The following FAM184A variants were observed in gnomAD, a reference collection of about 807,000 sequenced individuals.
The protein encoded by FAM184A is protein FAM184A.
In FAM184A, 99 loss-of-function variants were observed where a neutral mutation model predicts 143.8. The ratio of observed to expected loss-of-function variants is 0.69; its 90% CI spans 0.58 to 0.81. The LOEUF (loss-of-function observed/expected upper bound fraction) is 0.81, where lower values mean the gene tolerates loss of function less well. FAM184A is among the 40% of genes least tolerant of loss of function. The pLI, the probability that FAM184A is intolerant of heterozygous loss-of-function variation, is 0.00. For synonymous variants in FAM184A, 427 were observed against 446.4 expected, an observed-to-expected ratio of 0.96 and a Z score of 0.55; for missense variants, 1,217 against 1,310.5, an observed-to-expected ratio of 0.93 and a Z score of 1.10.
At chr6:119,018,676 C>T (rs1785346337) in intron 4 of FAM184A, among the ~76,000 whole-genome samples, 1 of 152,060 alleles carries the variant, frequency 6.6e-6, no homozygotes, top group African/African-American at 2.4e-5. Flanking sequence ...GGCTGGTGAG[C>T]CAACTGAAAT....
intron 1 of FAM184A, among the ~76,000 whole-genome samples, chr6:119,056,322 TGAA>T (rs374290195): frequency 3.7e-4 from 56 of 152,260 alleles, no homozygotes; most frequent in African/African-American, 1.3e-3. Flanking sequence ...GGATGTCTGA[TGAA>T]GAAGAAGATT....
At chr6:119,004,433 C>T (rs1031541003) in intron 7 of FAM184A, among the ~76,000 whole-genome samples, 8 of 152,256 alleles carry the variant, frequency 5.3e-5, no homozygotes, top group Non-Finnish European at 8.8e-5. Context: ...TGCCATTCTA[C>T]ATTGTTGGCC....
At chr6:119,089,206 ATTTT>A (rs570021826) in intron 1 of FAM184A, among the ~76,000 whole-genome samples, 5,280 of 135,528 alleles carry the variant, frequency 0.039, 189 homozygotes, top group African/African-American at 0.1. Flanking sequence ...TTATTTATTT[ATTTT>A]TTTATTTTTT....
chr6:119,025,894 C>A (rs1054236287), intron 1 of FAM184A, among the ~76,000 whole-genome samples: 1 of 152,178 alleles, frequency 6.6e-6, no homozygotes, highest in African/African-American at 2.4e-5. Flanking sequence ...TGGAAAACTG[C>A]TGCCATTTTT....
chr6:119,062,742 A>G (rs796398063), intron 1 of FAM184A, among the ~76,000 whole-genome samples: 4 of 152,302 alleles, frequency 2.6e-5, no homozygotes, highest in African/African-American at 9.6e-5. Context: ...TAGGAGAAAC[A>G]AAAGGACTCA....
At chr6:119,100,937 C>G (rs149780631) in intron 1 of FAM184A, among the ~76,000 whole-genome samples, 5,215 of 150,006 alleles carry the variant, frequency 0.035, 153 homozygotes, top group South Asian at 0.062. Flanking sequence ...CCAGCCTGGG[C>G]AACAGAGCAA....
rs1484291601 is a variant in FAM184A, at chr6:118,959,871, T to G, written c.*232A>C. ...TTTATTATGCAGTAATTACAAAGGT[T>G]AAAGACTCTTCCATCTCAAATAAAA... On this transcript the variant is annotated 3_prime_UTR_variant, in exon 18 of 18. Coordinates refer to ENST00000338891, the MANE Select transcript of FAM184A (RefSeq NM_024581.6). The G allele has an allele frequency of 9.6e-6, 3 of 314,056 alleles. No individual in the cohort carries two copies. Among genetic ancestry groups the G allele is most frequent in the Non-Finnish European group, 1.7e-5 (3 of 172,482 alleles). 19.5% of individuals were successfully genotyped at this position (314,056 alleles called of 1,614,324 possible).
intron 1 of FAM184A, among the ~76,000 whole-genome samples, chr6:119,044,195 T>C (rs1030515145): frequency 3.3e-5 from 5 of 152,236 alleles, no homozygotes; most frequent in Admixed American, 1.3e-4. Flanking sequence ...GAAAAAGAAA[T>C]ATAAGGCATC....
chr6:119,123,134 T>C (rs986983688), intron 1 of FAM184A, among the ~76,000 whole-genome samples: 1 of 151,352 alleles, frequency 6.6e-6, no homozygotes, highest in Non-Finnish European at 1.5e-5. Flanking sequence ...ACACCGGTAA[T>C]CCCAGCACTT....
chr6:119,020,629 T>A (rs1035909326), intron 3 of FAM184A, among the ~76,000 whole-genome samples: 4 of 152,206 alleles, frequency 2.6e-5, no homozygotes, highest in Non-Finnish European at 5.9e-5. Context: ...GAAGTTTGTA[T>A]GTAGGAAACA....
chr6:119,017,967 T>A (rs1205079759), intron 4 of FAM184A, among the ~76,000 whole-genome samples: 1 of 152,210 alleles, frequency 6.6e-6, no homozygotes. Context: ...CCTTCCAGCA[T>A]GATTGTAAGC....
chr6:118,967,967 G>GTCAC (rs1783551791), intron 14 of FAM184A, among the ~76,000 whole-genome samples: 1 of 152,168 alleles, frequency 6.6e-6, no homozygotes, highest in Non-Finnish European at 1.5e-5. Context: ...GAATCTCAGT[G>GTCAC]TATTTGAGTA....
chr6:119,034,039 T>TAGAG (rs1429011983), intron 1 of FAM184A, among the ~76,000 whole-genome samples: 30 of 30,274 alleles, frequency 9.9e-4, no homozygotes, highest in African/African-American at 3.3e-3. Flanking sequence ...TATATATATA[T>TAGAG]ATAGAGAGAG....
chr6:119,002,875 C>T (rs1239600401), intron 9 of FAM184A, 24 bp downstream of exon 9: 1 of 1,570,572 alleles, frequency 6.4e-7, no homozygotes, highest in African/African-American at 1.4e-5. Context: ...GATGAAACTT[C>T]ATCATGTACA....
At chr6:119,063,996 C>T (rs1021640783) in intron 1 of FAM184A, among the ~76,000 whole-genome samples, 1 of 151,982 alleles carries the variant, frequency 6.6e-6, no homozygotes, top group Non-Finnish European at 1.5e-5. Flanking sequence ...TAATAATTTT[C>T]ACCCCCCCAT....
Position 119,024,398 on chromosome 6 carries a change from G to A in FAM184A, c.575C>T (p.Ala192Val), listed in dbSNP as rs1785558863. The part of the protein sequence containing the change: ...DKRLALEDLQ[A>V]AHRREIQELL... ...CTCTTGTATCTCCCGTCTGTGAGCA[G>A]CTTGCAAGTCTTCCAATGCCAATCG... The change falls in exon 2 of 18, where the codon GCT becomes GTT. Residue 192 changes from alanine (A) to valine (V), a missense_variant. Physicochemically the swap from Ala to Val is moderately conservative, Grantham distance 64. Coordinates refer to ENST00000338891, the MANE Select transcript of FAM184A (RefSeq NM_024581.6). 1.2e-6 allele frequency: 2 copies of A among 1,614,164 alleles called. No individual in the cohort carries two copies. The highest frequency in any genetic ancestry group is 1.7e-6 in the Non-Finnish European group (2 of 1,180,032).
chr6:119,056,518 G>A (rs1256382717), intron 1 of FAM184A, among the ~76,000 whole-genome samples: 1 of 152,082 alleles, frequency 6.6e-6, no homozygotes, highest in Non-Finnish European at 1.5e-5. Context: ...CTTGGCATTG[G>A]GCATCAAATT....
chr6:119,147,946 T>C (rs112612976), intron 1 of FAM184A, among the ~76,000 whole-genome samples: 2 of 152,348 alleles, frequency 1.3e-5, no homozygotes, highest in African/African-American at 4.8e-5. Context: ...TTGCCTGTGA[T>C]GGGGTCTCTG....
chr6:119,079,069 GC>G (rs1222169016), upstream of FAM184A: 2 of 152,280 alleles, frequency 1.3e-5, no homozygotes, highest in Non-Finnish European at 2.9e-5. Flanking sequence ...TGTGTGCAGG[GC>G]CCCAAGAAGT....
Sources: allele counts gnomAD v4.1 joint callset (sites outside exome capture counted in the v4.1 genomes callset), GRCh38; gene constraint gnomAD v4.1.1; transcripts MANE v1.5; gene names NCBI Gene and HGNC (gene_info 2026-07-23, HGNC 2026-07-21).